Variants in PCDHA12 observed in about 807,000 individuals in gnomAD.
PCDHA12 encodes protocadherin alpha 12.
A neutral mutation model predicts 60.0 loss-of-function variants in PCDHA12; 44 were observed. The observed-to-expected ratio is 0.73, with a 90% CI of 0.58 to 0.94. The LOEUF is 0.94. PCDHA12 is among the 40% of genes least tolerant of loss of function. The pLI is 0.00. For missense variants in PCDHA12, 1,276 were observed against 1,239.7 expected (o/e 1.03, Z -0.44); for synonymous variants, 569 against 553.0 (o/e 1.03, Z -0.40).
At chr5:140,918,789 G>A (rs1453306973) in intron 1 of PCDHA12, among the ~76,000 whole-genome samples, 7 of 142,426 alleles carry the variant, frequency 4.9e-5, no homozygotes, top group African/African-American at 1.9e-4. Flanking sequence ...TGAGGACACA[G>A]CAAAAATGTG....
At chr5:140,898,507 C>T (rs538521734) in intron 1 of PCDHA12, among the ~76,000 whole-genome samples, 23 of 152,140 alleles carry the variant, frequency 1.5e-4, no homozygotes, top group African/African-American at 5.1e-4. Context: ...TGTAGATATG[C>T]GGCGTTATTT....
chr5:140,980,819 A>C (rs1178317133), intron 2 of PCDHA12, among the ~76,000 whole-genome samples: 1 of 152,216 alleles, frequency 6.6e-6, no homozygotes, highest in East Asian at 1.9e-4. Context: ...TGAACATATT[A>C]AATGAGTTGT....
rs145968482 is a variant in PCDHA12, at chr5:140,977,336, C to G, written c.2368-1613C>G. Among the ~76,000 whole-genome samples, 133 of 152,262 alleles carry G rather than the reference C, an allele frequency of 8.7e-4. 2 individuals carry two copies. The highest frequency in any genetic ancestry group is 3.9e-4 in the East Asian group (2 of 5,188). On this transcript the variant is annotated intron_variant, in intron 1 of 3. Coordinates refer to ENST00000398631, the MANE Select transcript of PCDHA12 (RefSeq NM_018903.4). Reference sequence around the variant, plus strand: ...GTGCTCCTGATGGCGAGGGGAGAGACGGTGATGATGACTGATTGATAAAAA... The same window carrying G: ...GTGCTCCTGATGGCGAGGGGAGAGAGGGTGATGATGACTGATTGATAAAAA...
chr5:140,887,456 A>G (rs1291884808), intron 1 of PCDHA12, among the ~76,000 whole-genome samples: 1 of 152,138 alleles, frequency 6.6e-6, no homozygotes, highest in Non-Finnish European at 1.5e-5. Flanking sequence ...CAGTTTTTTA[A>G]AAGATATAAT....
rs376417721 is a variant in PCDHA12, at chr5:140,877,443, C to T, written c.1971C>T (p.Pro657=). ...TGCTGGTGAAGGACCACGGTGAGCCCGCGCTGACGTCCACGGCCACGGTGC... is the reference window on the plus strand; with the variant it reads ...TGCTGGTGAAGGACCACGGTGAGCCTGCGCTGACGTCCACGGCCACGGTGC... The part of the protein sequence containing the change: ...LLVLVKDHGE[P]ALTSTATVLV... Residue 657 remains proline, a synonymous_variant, in exon 1 of 4, where the codon CCC becomes CCT. Transcript: ENST00000398631. 1 of 1,613,844 alleles carries T rather than the reference C, an allele frequency of 6.2e-7. No homozygotes were observed. Among genetic ancestry groups the T allele is most frequent in the East Asian group, 2.2e-5 (1 of 44,862 alleles).
chr5:140,926,209 T>A (rs553307318), intron 1 of PCDHA12, among the ~76,000 whole-genome samples: 1 of 152,028 alleles, frequency 6.6e-6, no homozygotes, highest in African/African-American at 2.4e-5. Context: ...GGGGGGCTCC[T>A]GTTTCCTTAA....
intron 3 of PCDHA12, among the ~76,000 whole-genome samples, chr5:140,989,227 C>T (rs933142074): frequency 2.6e-5 from 4 of 152,162 alleles, no homozygotes; most frequent in African/African-American, 9.7e-5. Flanking sequence ...TTCTTTGTAG[C>T]TGAAGTTTTA....
rs10602499 is a variant in PCDHA12 at position 140,992,017 on chromosome 5, C to CTGTGTGTGTG, written c.2515+9482_2515+9491dup. Among the ~76,000 whole-genome samples, 121 of 145,620 alleles carry CTGTGTGTGTG rather than the reference C, an allele frequency of 8.3e-4. 2 individuals are homozygous for CTGTGTGTGTG. The highest frequency in any genetic ancestry group is 3.5e-3 in the Middle Eastern group (1 of 288). ...CTTTCATGTTCAGGCAGAGGTGGCT[C>CTGTGTGTGTG]TGTGTGTGTGTGTGTGTGTGTGTGT... On this transcript the variant is annotated intron_variant, in intron 3 of 3. Transcript: ENST00000398631.
intron 1 of PCDHA12, chr5:140,927,106 A>C (rs782151576): frequency 6.2e-7 from 1 of 1,613,678 alleles, no homozygotes; most frequent in Non-Finnish European, 8.5e-7. Context: ...GGATCTACCC[A>C]GCGGCAATTT....
intron 3 of PCDHA12, among the ~76,000 whole-genome samples, chr5:141,005,656 C>T (rs1004583867): frequency 1.5e-4 from 20 of 136,082 alleles, no homozygotes; most frequent in Non-Finnish European, 2.5e-4. Context: ...GAGTCGAGAT[C>T]GCGCCACTGC....
At chr5:140,905,376 C>G in intron 1 of PCDHA12, among the ~76,000 whole-genome samples, 1 of 152,174 alleles carries the variant, frequency 6.6e-6, no homozygotes, top group East Asian at 1.9e-4. Context: ...GTTCTCTGTT[C>G]TGTTTCATAG....
At position 140,876,679 on chromosome 5, in the gene PCDHA12, A is replaced by T. The variant is rs782671923; in HGVS notation, c.1207A>T (p.Asn403Tyr). The T allele has an allele frequency of 2.5e-6, 4 of 1,614,118 alleles. No homozygotes were observed. Among genetic ancestry groups the T allele is most frequent in the Non-Finnish European group, 3.4e-6 (4 of 1,180,026 alleles). Residue 403 changes from asparagine to tyrosine, a missense_variant, in exon 1 of 4, where the codon AAT (asparagine) becomes TAT (tyrosine). By Grantham distance (143) the Asn-to-Tyr change is moderately radical (BLOSUM62 -2). Transcript: ENST00000398631. ...CTTCAAGCTGGTGTCCACCTACAAG[A>T]ATTACTACTCGTTGGTGCTGGACAG... Reference protein sequence around the residue: ...VPFKLVSTYKNYYSLVLDSAL... With the variant: ...VPFKLVSTYKYYYSLVLDSAL...
Position 140,927,881 on chromosome 5 carries a change from T to C in PCDHA12, c.2367+50042T>C, listed in dbSNP as rs781982234. 10 of 1,613,978 alleles carry C rather than the reference T, an allele frequency of 6.2e-6. No homozygotes were observed. Among genetic ancestry groups the C allele is most frequent in the Non-Finnish European group, 8.5e-6 (10 of 1,180,010 alleles). Reference sequence around the variant, plus strand: ...AGCACCGCTAAACTGCTGGTGGAGGTGACTGACGTGAACGATCATGCCCCC... The same window carrying C: ...AGCACCGCTAAACTGCTGGTGGAGGCGACTGACGTGAACGATCATGCCCCC... On this transcript the variant is annotated intron_variant, in intron 1 of 3. Coordinates refer to ENST00000398631, the MANE Select transcript of PCDHA12 (RefSeq NM_018903.4).
chr5:140,888,640 A>G (rs2153424746), intron 1 of PCDHA12, among the ~76,000 whole-genome samples: 1 of 152,282 alleles, frequency 6.6e-6, no homozygotes, highest in East Asian at 1.9e-4. Context: ...TTACAGCAAT[A>G]CTTTCCTGAG....
chr5:140,975,126 A>G (rs1334807357), intron 1 of PCDHA12, among the ~76,000 whole-genome samples: 6 of 152,074 alleles, frequency 3.9e-5, no homozygotes, highest in Admixed American at 2.6e-4. Flanking sequence ...CCTACTTACT[A>G]TTGGCCTGGG....
chr5:140,877,944 A>C (rs538675333), intron 1 of PCDHA12, 105 bp downstream of exon 1: 48 of 1,359,672 alleles, frequency 3.5e-5, no homozygotes, highest in Non-Finnish European at 4.6e-5. Context: ...CCTTTAAACT[A>C]TCGAATGTCT....
intron 3 of PCDHA12, among the ~76,000 whole-genome samples, chr5:141,006,373 G>A (rs550999366): frequency 1.1e-4 from 17 of 151,910 alleles, no homozygotes; most frequent in African/African-American, 3.1e-4. Context: ...CACCACGCCC[G>A]GCTAAGTTTT....
At chr5:140,972,197 A>G (rs2096524584) in intron 1 of PCDHA12, among the ~76,000 whole-genome samples, 1 of 152,100 alleles carries the variant, frequency 6.6e-6, no homozygotes. Context: ...GCTGGAGTAT[A>G]GGTGTGAATA....
At chr5:140,967,424 G>A (rs1554229541) in intron 1 of PCDHA12, 4 of 1,613,184 alleles carry the variant, frequency 2.5e-6, no homozygotes, top group Non-Finnish European at 2.5e-6. Context: ...CCGGGAGCAG[G>A]CAGCCTTGCA....
Sources: allele counts gnomAD v4.1 joint callset (sites outside exome capture counted in the v4.1 genomes callset), GRCh38; gene constraint gnomAD v4.1.1; transcripts MANE v1.5; gene names NCBI Gene and HGNC (gene_info 2026-07-23, HGNC 2026-07-21).